HNF1B: variants seen among roughly 807,000 people sequenced by gnomAD.
HNF1B encodes hepatocyte nuclear factor 1-beta.
Under a neutral mutation model 61.7 loss-of-function variants are expected in HNF1B, and 8 were observed. That is an observed-to-expected ratio of 0.13 (90% CI 0.08 to 0.23). The LOEUF (loss-of-function observed/expected upper bound fraction) is 0.23. HNF1B is among the 10% of genes least tolerant of loss of function. The pLI is 1.00. For synonymous variants in HNF1B, 314 were observed against 287.7 expected, an observed-to-expected ratio of 1.09 and a Z score of -0.93; for missense variants, 562 against 714.5, an observed-to-expected ratio of 0.79 and a Z score of 2.43.
chr17:37,735,849 C>T (rs760401233), intron 2 of HNF1B, among the ~76,000 whole-genome samples: 2 of 152,178 alleles, frequency 1.3e-5, no homozygotes, highest in Non-Finnish European at 2.9e-5. Context: ...GCCTTGACCT[C>T]CTGGGCTCAA....
At chr17:37,690,776 C>G (rs183445219) in intron 8 of HNF1B, among the ~76,000 whole-genome samples, 1 of 152,178 alleles carries the variant, frequency 6.6e-6, no homozygotes, top group African/African-American at 2.4e-5. Context: ...ATTTTAGGCA[C>G]GTTGAATTCA....
Position 37,699,034 on chromosome 17 carries a change from C to T in HNF1B, c.1653+42G>A, listed in dbSNP as rs770411125. 43 of 1,430,550 alleles carry T rather than the reference C, an allele frequency of 3.0e-5. No individual in the cohort carries two copies. The East Asian group carries it at 8.9e-4, about 29-fold the overall frequency. 88.6% of individuals were successfully genotyped at this position (1,430,550 alleles called of 1,614,324 possible). ...TCTGCACATCCATGGCCTTATCACA[C>T]CCTGCCCACACCCCAACCCCCGCAA... On this transcript the variant is annotated intron_variant, in intron 8 of 8. Coordinates refer to ENST00000617811, the MANE Select transcript of HNF1B (RefSeq NM_000458.4).
In HNF1B at chr17:37,733,738, T is replaced by C; in HGVS notation, c.628A>G (p.Ser210Gly). 1 of 1,614,228 alleles carries C rather than the reference T, an allele frequency of 6.2e-7. No homozygotes were observed. Among genetic ancestry groups the C allele is most frequent in the Non-Finnish European group, 8.5e-7 (1 of 1,180,040 alleles). Reference sequence around the variant, plus strand: ...TGCCCAGGCCCATGGCTCTGTTGACTGAACTCTGGAAAGAGAAACAGCAGC... The same window carrying C: ...TGCCCAGGCCCATGGCTCTGTTGACCGAACTCTGGAAAGAGAAACAGCAGC... ...DQLLFLFPEFSQQSHGPGQSD... is the reference protein window; with the variant it reads ...DQLLFLFPEFGQQSHGPGQSD... Residue 210 changes from serine (S) to glycine (G), a missense_variant, in exon 3 of 9, where the codon AGT becomes GGT. Ser to Gly is a moderately conservative substitution (Grantham distance 56, BLOSUM62 0). Coordinates refer to ENST00000617811, the MANE Select transcript of HNF1B (RefSeq NM_000458.4).
At chr17:37,727,015 AAGGGTAC>A (rs1160636553) in intron 4 of HNF1B, among the ~76,000 whole-genome samples, 1 of 152,114 alleles carries the variant, frequency 6.6e-6, no homozygotes, top group Non-Finnish European at 1.5e-5. Flanking sequence ...GACTAGAGCA[AAGGGTAC>A]AGGGAGCAAG....
intron 2 of HNF1B, among the ~76,000 whole-genome samples, chr17:37,737,726 T>C (rs768058963): frequency 2.0e-5 from 3 of 151,040 alleles, no homozygotes; most frequent in Non-Finnish European, 4.4e-5. Flanking sequence ...TCCCAGCTAC[T>C]TGGGAGGCTG....
At position 37,686,712 on chromosome 17, in the gene HNF1B, A is replaced by G. The variant is rs1485156189; in HGVS notation, c.*660T>C. On this transcript the variant is annotated 3_prime_UTR_variant, in exon 9 of 9. Coordinates refer to ENST00000617811, the MANE Select transcript of HNF1B (RefSeq NM_000458.4). ...CCCGCGGGAGAGGACAAGGGGCTTC[A>G]CTTCCCACTTAGGATGTTTCTCCAT... 5.8e-6 allele frequency: 1 copy of G among 172,798 alleles called. No homozygotes were observed. Among genetic ancestry groups the G allele is most frequent in the Non-Finnish European group, 1.3e-5 (1 of 78,758 alleles). 10.7% of individuals were successfully genotyped at this position (172,798 alleles called of 1,614,324 possible).
At chr17:37,731,549 C>A (rs2033682748) in intron 4 of HNF1B, 46 bp downstream of exon 4, 6 of 1,486,842 alleles carry the variant, frequency 4.0e-6, no homozygotes, top group Non-Finnish European at 5.6e-6. Flanking sequence ...TGGCAAGAAC[C>A]AGGATGGTTG....
intron 5 of HNF1B, among the ~76,000 whole-genome samples, chr17:37,705,890 G>T (rs929909826): frequency 1.3e-5 from 2 of 152,112 alleles, no homozygotes; most frequent in Admixed American, 1.3e-4. Context: ...AATTATAAGG[G>T]CGCGATCAGT....
chr17:37,741,906 G>C (rs1453575836), intron 1 of HNF1B, among the ~76,000 whole-genome samples: 1 of 152,220 alleles, frequency 6.6e-6, no homozygotes, highest in Non-Finnish European at 1.5e-5. Context: ...AAAGAGTGAG[G>C]AGTAAGATGG....
At chr17:37,699,724 A>G (rs1190802824) in intron 7 of HNF1B, among the ~76,000 whole-genome samples, 2 of 152,232 alleles carry the variant, frequency 1.3e-5, no homozygotes, top group Non-Finnish European at 2.9e-5. Flanking sequence ...AGTGGGGCAC[A>G]TGTGGTCTCA....
At chr17:37,727,944 T>TA (rs1239525970) in intron 4 of HNF1B, among the ~76,000 whole-genome samples, 16 of 151,824 alleles carry the variant, frequency 1.1e-4, no homozygotes, top group Admixed American at 9.8e-4. Context: ...TTGGGGTTGC[T>TA]AGTGCTGACG....
Position 37,744,653 on chromosome 17 carries a change from C to T in HNF1B, c.232G>A (p.Glu78Lys). Residue 78 changes from glutamate to lysine, a missense_variant, in exon 1 of 9, where the codon GAG (glutamate) becomes AAG (lysine). Around this residue, in one of 6 missense-constraint regions of HNF1B, gnomAD observed 148 missense variants for 147.3 expected, o/e 1.00. Transcript: ENST00000617811. ...TAGTCGTCGCCGTCCTCGGAGCCCT[C>T]GTCGCCGGACAAGCGGCCCTTGGCG... ...GHAKGRLSGD[E>K]GSEDGDDYDT... 1.9e-6 allele frequency: 3 copies of T among 1,613,022 alleles called. No individual in the cohort carries two copies. Among genetic ancestry groups the T allele is most frequent in the Non-Finnish European group, 2.5e-6 (3 of 1,180,032 alleles).
chr17:37,744,447 G>A, intron 1 of HNF1B, 94 bp downstream of exon 1: 2 of 1,303,714 alleles, frequency 1.5e-6, no homozygotes, highest in Non-Finnish European at 2.2e-6. Flanking sequence ...TGGGAAACGG[G>A]CTTGGCGAGT....
At chr17:37,688,846 T>A (rs2147412089) in intron 8 of HNF1B, among the ~76,000 whole-genome samples, 1 of 152,256 alleles carries the variant, frequency 6.6e-6, no homozygotes, top group Admixed American at 6.5e-5. Flanking sequence ...TCCTCAGTAC[T>A]CTTAAGAGTG....
chr17:37,730,736 G>A (rs1485475561), intron 4 of HNF1B: 1 of 152,284 alleles, frequency 6.6e-6, no homozygotes, highest in African/African-American at 2.4e-5. Flanking sequence ...GGAGCAGGCA[G>A]GAGGCTGCTA....
chr17:37,694,640 A>C (rs766920392), intron 8 of HNF1B, among the ~76,000 whole-genome samples: 2 of 152,042 alleles, frequency 1.3e-5, no homozygotes, highest in Non-Finnish European at 2.9e-5. Flanking sequence ...CAGGCTGATG[A>C]GATCTCAGAT....
chr17:37,706,652 C>T (rs1168402953), intron 5 of HNF1B, among the ~76,000 whole-genome samples: 1 of 142,184 alleles, frequency 7.0e-6, no homozygotes, highest in Non-Finnish European at 1.5e-5. Context: ...GTTTGCTGGA[C>T]TTGTTTTTCA....
At chr17:37,714,128 T>C (rs1328756296) in intron 4 of HNF1B, among the ~76,000 whole-genome samples, 2 of 152,196 alleles carry the variant, frequency 1.3e-5, no homozygotes, top group Non-Finnish European at 2.9e-5. Flanking sequence ...CTGTTAACAA[T>C]ATCCATCTGT....
chr17:37,725,693 T>C (rs1439095408), intron 4 of HNF1B, among the ~76,000 whole-genome samples: 1 of 152,238 alleles, frequency 6.6e-6, no homozygotes, highest in East Asian at 1.9e-4. Context: ...AATAATCTGC[T>C]ACTTAAGGAC....
Sources: gnomAD v4.1 joint callset for allele counts (sites outside exome capture counted in the v4.1 genomes callset) on GRCh38, gnomAD v4.1.1 for gene constraint, gnomAD v4.1.1 regional missense constraint, MANE v1.5 for transcripts, NCBI Gene and HGNC (gene_info 2026-07-23, HGNC 2026-07-21) for gene names.